Variants in TMEM26 observed in about 807,000 individuals in gnomAD.
The protein encoded by TMEM26 is transmembrane protein 26.
Under a neutral mutation model 28.8 loss-of-function variants are expected in TMEM26, and 38 were observed. The ratio of observed to expected loss-of-function variants is 1.32; its 90% CI spans 1.02 to 1.73. The LOEUF (loss-of-function observed/expected upper bound fraction) is 1.73. TMEM26 is among the 40% of genes most tolerant of loss of function. The probability of loss-of-function intolerance (pLI) is 0.00; values close to 1 mark genes in which losing one functional copy is unlikely to be tolerated. For missense variants in TMEM26, 518 were observed against 447.1 expected (o/e 1.16, Z -1.43); for synonymous variants, 227 against 182.9 (o/e 1.24, Z -1.95).
At chr10:61,416,281 G>A (rs910123026) in intron 4 of TMEM26, among the ~76,000 whole-genome samples, 3 of 152,094 alleles carry the variant, frequency 2.0e-5, no homozygotes, top group African/African-American at 7.2e-5. Context: ...GAAAGCAGTG[G>A]CAAAGCAGGG....
chr10:61,447,256 A>G (rs1450967050), intron 1 of TMEM26, among the ~76,000 whole-genome samples: 6 of 152,204 alleles, frequency 3.9e-5, no homozygotes, highest in African/African-American at 1.4e-4. Context: ...TCTCTCTGGC[A>G]TTTTCATAAA....
rs768459844 is a variant in TMEM26 at position 61,452,926 on chromosome 10, G to A, written c.156C>T (p.Leu52=). ...CTCTGCCGCGCTTGAACTTGAGGGT[G>A]AGCGCAGTCTCCAGGAAGAGCAAGA... The part of the protein sequence containing the change: ...LNLLLFLETA[L]TLKFKRGRGY... Residue 52 remains leucine, a synonymous_variant, in exon 1 of 6, where the codon CTC becomes CTT. Transcript: ENST00000399298. 9 of 1,613,884 alleles carry A rather than the reference G, an allele frequency of 5.6e-6. No individual in the cohort carries two copies. The highest frequency in any genetic ancestry group is 7.6e-6 in the Non-Finnish European group (9 of 1,179,932).
chr10:61,452,870 G>A, intron 1 of TMEM26, 21 bp downstream of exon 1: 2 of 1,603,416 alleles, frequency 1.2e-6, no homozygotes, highest in Non-Finnish European at 8.5e-7. Context: ...GTGCGCCCTC[G>A]CTTTCCCGGG....
chr10:61,453,229 C>T lies in TMEM26; in HGVS notation c.-148G>A. 1 of 789,972 alleles carries T rather than the reference C, an allele frequency of 1.3e-6. No homozygotes were observed. The highest frequency in any genetic ancestry group is 2.0e-6 in the Non-Finnish European group (1 of 507,664). The allele number at this position is 789,972 out of a possible 1,614,324, so 48.9% of individuals were successfully genotyped here. On this transcript the variant is annotated 5_prime_UTR_variant, in exon 1 of 6. Transcript: ENST00000399298. The stretch of plus-strand genomic sequence containing the variant: ...CCTTCTCACCCTCAGCGCCCGATGC[C>T]GGTAGAACTGGTGCGCGGCTCGCCC...
intron 1 of TMEM26, among the ~76,000 whole-genome samples, chr10:61,436,633 C>A (rs1393038140): frequency 6.6e-6 from 1 of 152,112 alleles, no homozygotes; most frequent in African/African-American, 2.4e-5. Context: ...ATTTATTAGA[C>A]ATTACAATTT....
In TMEM26 at chr10:61,431,309, T is replaced by A; in HGVS notation, c.294A>T (p.Gly98=). 1.2e-6 allele frequency: 2 copies of A among 1,613,134 alleles called. No individual in the cohort carries two copies. The highest frequency in any genetic ancestry group is 1.7e-6 in the Non-Finnish European group (2 of 1,179,304). Residue 98 remains glycine, a synonymous_variant, in exon 3 of 6, where the codon GGA becomes GGT. Transcript: ENST00000399298. ...CTTTTCTGCTGGTATTCTGTGATGT[T>A]CCTTCAGCCTGGATACTGCAATACT... ...ETQYCSIQAE[G]TSQNTSRKED...
rs139216659 is a variant in TMEM26, at chr10:61,440,177, T to C, written c.192-3929A>G. Among the ~76,000 whole-genome samples, 1,219 of 143,266 alleles carry C rather than the reference T, an allele frequency of 8.5e-3. 11 individuals are homozygous for C. Among genetic ancestry groups the C allele is most frequent in the African/African-American group, 0.025 (975 of 38,782 alleles). The allele number at this position is 143,266 out of a possible 152,430, so 94.0% of individuals were successfully genotyped here. On this transcript the variant is annotated intron_variant, in intron 1 of 5. Coordinates refer to ENST00000399298, the MANE Select transcript of TMEM26 (RefSeq NM_178505.8). ...ATTGCTTGAACCCGGGAGGTGGAGG[T>C]TGCAGTGAGCTAAGATCATATCACC... is the stretch of plus-strand genomic sequence containing the variant.
rs755445672 is a variant in TMEM26 at position 61,452,875 on chromosome 10, C to T, written c.191+16G>A. The T allele has an allele frequency of 1.9e-6, 3 of 1,604,698 alleles. No homozygotes were observed. The highest frequency in any genetic ancestry group is 4.5e-5 in the East Asian group (2 of 44,578). On this transcript the variant is annotated intron_variant, in intron 1 of 5. Transcript: ENST00000399298. ...CTAGGGCCCCGTGCGCCCTCGCTTT[C>T]CCGGGGCACTCTCACCATTTGTAGC... is the stretch of plus-strand genomic sequence containing the variant.
chr10:61,446,294 C>T (rs998955072), intron 1 of TMEM26, among the ~76,000 whole-genome samples: 8 of 152,146 alleles, frequency 5.3e-5, no homozygotes, highest in Non-Finnish European at 8.8e-5. Context: ...TCAGTGTGTG[C>T]TTCCCAAAAT....
chr10:61,434,866 C>T (rs1323356282), intron 2 of TMEM26, among the ~76,000 whole-genome samples: 2 of 152,128 alleles, frequency 1.3e-5, no homozygotes, highest in Non-Finnish European at 2.9e-5. Flanking sequence ...CTTAACCTTG[C>T]TATAAAATGA....
intron 5 of TMEM26, 82 bp from the exon 6 acceptor site, chr10:61,410,828 C>A (rs1589023037): frequency 1.5e-6 from 2 of 1,302,058 alleles, no homozygotes; most frequent in East Asian, 2.3e-5. Context: ...GAGTCATTAA[C>A]AATGGGGACT....
At chr10:61,442,756 G>C (rs1302652826) in intron 1 of TMEM26, among the ~76,000 whole-genome samples, 1 of 152,188 alleles carries the variant, frequency 6.6e-6, no homozygotes, top group African/African-American at 2.4e-5. Flanking sequence ...ACAATGCAAA[G>C]GTTGTCTGTC....
At chr10:61,428,133 C>T (rs902216695) in intron 4 of TMEM26, among the ~76,000 whole-genome samples, 6 of 152,052 alleles carry the variant, frequency 3.9e-5, no homozygotes, top group African/African-American at 1.2e-4. Flanking sequence ...TTGAGAAGCA[C>T]AGCATAAAGT....
At chr10:61,450,054 A>G (rs1306222887) in intron 1 of TMEM26, among the ~76,000 whole-genome samples, 1 of 152,164 alleles carries the variant, frequency 6.6e-6, no homozygotes, top group African/African-American at 2.4e-5. Flanking sequence ...CTGATGGACA[A>G]TCAGTATGCT....
chr10:61,440,117 G>A (rs1449787607), intron 1 of TMEM26, among the ~76,000 whole-genome samples: 1 of 151,990 alleles, frequency 6.6e-6, no homozygotes, highest in Non-Finnish European at 1.5e-5. Flanking sequence ...GCTTGCACCT[G>A]TAATCCCAGG....
intron 1 of TMEM26, among the ~76,000 whole-genome samples, chr10:61,445,285 A>G (rs1840161308): frequency 6.6e-6 from 1 of 152,212 alleles, no homozygotes; most frequent in African/African-American, 2.4e-5. Flanking sequence ...TATTTCAGGT[A>G]GATTAAAATG....
intron 1 of TMEM26, among the ~76,000 whole-genome samples, chr10:61,442,583 G>T (rs568346633): frequency 6.6e-6 from 1 of 152,130 alleles, no homozygotes; most frequent in Non-Finnish European, 1.5e-5. Flanking sequence ...TACAAAAACA[G>T]AGTGAAGTTG....
chr10:61,422,399 T>C (rs188865576), intron 4 of TMEM26, among the ~76,000 whole-genome samples: 9 of 152,160 alleles, frequency 5.9e-5, no homozygotes, highest in Admixed American at 5.9e-4. Context: ...GGCCATATAA[T>C]AGACCACAAA....
intron 3 of TMEM26, among the ~76,000 whole-genome samples, chr10:61,430,279 A>C (rs576123033): frequency 3.8e-4 from 58 of 152,076 alleles, no homozygotes; most frequent in Non-Finnish European, 7.9e-4. Context: ...CCAATAGTAC[A>C]TCTTATTATT....
Sources: gnomAD v4.1 joint callset for allele counts (sites outside exome capture counted in the v4.1 genomes callset) on GRCh38, gnomAD v4.1.1 for gene constraint, MANE v1.5 for transcripts, NCBI Gene and HGNC (gene_info 2026-07-23, HGNC 2026-07-21) for gene names.